The following NAV2 variants were observed in gnomAD, a reference collection of about 807,000 sequenced individuals.
NAV2 encodes the protein helicase, APC down-regulated 1.
A neutral mutation model predicts 223.2 loss-of-function variants in NAV2; 54 were observed. That is an observed-to-expected ratio of 0.24 (90% CI 0.19 to 0.30). The LOEUF is 0.30. Among genes scored for constraint, NAV2 ranks in the 10% least tolerant of loss-of-function variants. NAV2 has a pLI of 1.00. For missense variants in NAV2, 2,806 were observed against 3,147.5 expected (o/e 0.89, Z 2.60); for synonymous variants, 1,279 against 1,239.3 (o/e 1.03, Z -0.67).
chr11:20,095,999 G>T (rs2061240261), intron 30 of NAV2, among the ~76,000 whole-genome samples: 1 of 152,188 alleles, frequency 6.6e-6, no homozygotes, highest in African/African-American at 2.4e-5. Context: ...GCAGTGGTGG[G>T]CCAGCTAGTG....
At position 19,923,069 on chromosome 11, in the gene NAV2, A is replaced by T. The variant is rs75970401; in HGVS notation, c.932-10107A>T. ...TTATGGGTGTTTAATGCTCGAATGC[A>T]TGAAAGAATCCCACATTTTACTAGA... On this transcript the variant is annotated intron_variant, in intron 6 of 37. Transcript: ENST00000349880. Among the ~76,000 whole-genome samples, 664 of 152,338 alleles carry T rather than the reference A, an allele frequency of 4.4e-3. 1 individual carries two copies. Among genetic ancestry groups the T allele is most frequent in the Non-Finnish European group, 7.3e-3 (498 of 68,026 alleles).
At chr11:19,654,292 G>A (rs538861161) in intron 1 of NAV2, among the ~76,000 whole-genome samples, 2 of 152,138 alleles carry the variant, frequency 1.3e-5, no homozygotes, top group African/African-American at 2.4e-5. Flanking sequence ...GGAAGAATCA[G>A]TATCATGAAA....
At chr11:20,031,914 C>T (rs886366977) in intron 11 of NAV2, among the ~76,000 whole-genome samples, 8 of 152,168 alleles carry the variant, frequency 5.3e-5, no homozygotes, top group African/African-American at 1.9e-4. Context: ...GGAGATTCCA[C>T]ATTCCCTTCT....
chr11:19,854,513 G>A (rs1386467931), intron 3 of NAV2, among the ~76,000 whole-genome samples: 1 of 152,166 alleles, frequency 6.6e-6, no homozygotes, highest in Non-Finnish European at 1.5e-5. Flanking sequence ...GGCTGTAACT[G>A]GGTAGGAGCT....
intron 32 of NAV2, among the ~76,000 whole-genome samples, chr11:20,101,575 A>T (rs2061644278): frequency 6.6e-6 from 1 of 152,210 alleles, no homozygotes; most frequent in Non-Finnish European, 1.5e-5. Context: ...ACCAGCAAAC[A>T]CCTTCTCACA....
intron 8 of NAV2, among the ~76,000 whole-genome samples, chr11:19,945,117 CTT>C (rs374366615): frequency 0.22 from 25,538 of 116,614 alleles, 2,835 homozygotes; most frequent in Middle Eastern, 0.4. Flanking sequence ...CTTTTTTTCT[CTT>C]TCTTTCTTTC....
intron 1 of NAV2, among the ~76,000 whole-genome samples, chr11:19,455,293 A>C (rs1189233643): frequency 6.6e-6 from 1 of 152,310 alleles, no homozygotes. Context: ...TGGAAAAGTG[A>C]TGGGTTGGAA....
In NAV2 at chr11:20,045,666, C is replaced by T. The variant is rs267602817; in HGVS notation, c.3898C>T (p.Arg1300Cys). ...CCCAGATGTGGCCTCTCCCACACTC[C>T]GCAGGTAAGTGAGTACATAAATGGT... ...KYPDVASPTL[R>C]RLFGGKPTKQ... The change falls in exon 14 of 38, where the codon CGC becomes TGC. Residue 1300 changes from arginine to cysteine, a missense_variant. By Grantham distance (180) the Arg-to-Cys change is radical. Around this residue, in one of 4 missense-constraint regions of NAV2, gnomAD observed 742 missense variants for 777.9 expected, o/e 0.95. Transcript: ENST00000349880. 10 of 1,611,808 alleles carry T rather than the reference C, an allele frequency of 6.2e-6. No homozygotes were observed. The East Asian group carries it at 6.7e-5, about 11-fold the overall frequency.
At chr11:19,923,033 G>C (rs1032194258) in intron 6 of NAV2, among the ~76,000 whole-genome samples, 10 of 152,168 alleles carry the variant, frequency 6.6e-5, no homozygotes, top group African/African-American at 1.4e-4. Context: ...ATAAAAGAAA[G>C]CAGGTATACC....
intron 1 of NAV2, among the ~76,000 whole-genome samples, chr11:19,831,756 G>A (rs1465984341): frequency 2.6e-5 from 4 of 152,142 alleles, no homozygotes; most frequent in African/African-American, 9.7e-5. Flanking sequence ...CCCCAAGGGG[G>A]TCTGTTCTCC....
chr11:20,073,422 T>G (rs2059528782), intron 22 of NAV2, among the ~76,000 whole-genome samples: 1 of 152,222 alleles, frequency 6.6e-6, no homozygotes, highest in Non-Finnish European at 1.5e-5. Context: ...TTTGCCAGGT[T>G]TTGGTATCAG....
intron 11 of NAV2, among the ~76,000 whole-genome samples, chr11:20,024,978 C>G (rs917411855): frequency 6.6e-6 from 1 of 152,188 alleles, no homozygotes; most frequent in African/African-American, 2.4e-5. Flanking sequence ...TTTTGAATAA[C>G]AGTTGGAAGT....
At chr11:19,541,501 C>G (rs1458652088) in intron 1 of NAV2, among the ~76,000 whole-genome samples, 1 of 152,228 alleles carries the variant, frequency 6.6e-6, no homozygotes, top group Non-Finnish European at 1.5e-5. Flanking sequence ...CAAATGACAA[C>G]CCATGTGACT....
intron 4 of NAV2, among the ~76,000 whole-genome samples, chr11:19,877,729 C>T (rs1371188182): frequency 1.3e-5 from 2 of 152,036 alleles, no homozygotes; most frequent in Non-Finnish European, 2.9e-5. Flanking sequence ...ACCTCGGCCT[C>T]CCAAAGTGCT....
At chr11:19,964,644 TACC>T (rs1459632405) in intron 10 of NAV2, among the ~76,000 whole-genome samples, 1 of 151,786 alleles carries the variant, frequency 6.6e-6, no homozygotes, top group Non-Finnish European at 1.5e-5. Flanking sequence ...TATAGGCATG[TACC>T]ACCACACCCA....
At chr11:19,591,224 A>C (rs1046428092) in intron 1 of NAV2, 1 of 152,266 alleles carries the variant, frequency 6.6e-6, no homozygotes, top group Non-Finnish European at 1.5e-5. Flanking sequence ...CTTGTTTCTC[A>C]ATGCAGCCCC....
chr11:19,884,628 C>T (rs1220781151), intron 5 of NAV2, among the ~76,000 whole-genome samples: 1 of 152,148 alleles, frequency 6.6e-6, no homozygotes, highest in Non-Finnish European at 1.5e-5. Context: ...TGACTTTTGG[C>T]TTTGACTGCT....
chr11:20,107,057 A>ATTT lies in NAV2; in HGVS notation c.6842-571_6842-569dup, dbSNP rs10590815. ...TTTGGACTTGCAGTCATGGGCTTCC[A>ATTT]TTTTTTTTTTTTTTTTTTTTTTTTT... On this transcript the variant is annotated intron_variant, in intron 35 of 37. Coordinates refer to ENST00000349880, the MANE Select transcript of NAV2 (RefSeq NM_145117.5). Among the ~76,000 whole-genome samples, 7 of 27,228 alleles carry ATTT rather than the reference A, an allele frequency of 2.6e-4. 2 individuals carry two copies. The highest frequency in any genetic ancestry group is 6.2e-4 in the Admixed American group (1 of 1,614). 17.9% of individuals were successfully genotyped at this position (27,228 alleles called of 152,430 possible). A position where few individuals can be genotyped will look rare whatever the true frequency, so the allele number is the denominator to read the frequency against.
chr11:19,744,392 CT>C (rs1307206898), intron 1 of NAV2, among the ~76,000 whole-genome samples: 1 of 152,160 alleles, frequency 6.6e-6, no homozygotes, highest in East Asian at 1.9e-4. Context: ...TCCTAAATAC[CT>C]CCAGAAGGTT....
Sources: allele counts gnomAD v4.1 joint callset (sites outside exome capture counted in the v4.1 genomes callset), GRCh38; gene constraint gnomAD v4.1.1; regional missense constraint gnomAD v4.1.1; transcripts MANE v1.5; gene names NCBI Gene and HGNC (gene_info 2026-07-23, HGNC 2026-07-21).